The following CCBE1 variants were observed in gnomAD, a reference collection of about 807,000 sequenced individuals.
The protein encoded by CCBE1 is collagen and calcium-binding EGF domain-containing protein 1.
Under a neutral mutation model 50.0 loss-of-function variants are expected in CCBE1, and 37 were observed. The observed-to-expected ratio is 0.74, with a 90% CI of 0.57 to 0.97. The LOEUF (loss-of-function observed/expected upper bound fraction) is 0.97, where lower values mean the gene tolerates loss of function less well. Ranked by LOEUF, CCBE1 falls within the 50% of genes least tolerant of loss-of-function variation. The probability of loss-of-function intolerance (pLI) is 0.00; values close to 1 mark genes in which losing one functional copy is unlikely to be tolerated. For synonymous variants in CCBE1, 234 were observed against 203.7 expected, an observed-to-expected ratio of 1.15 and a Z score of -1.27; for missense variants, 538 against 523.8, an observed-to-expected ratio of 1.03 and a Z score of -0.26.
intron 5 of CCBE1, among the ~76,000 whole-genome samples, chr18:59,459,367 T>G (rs1173460780): frequency 6.6e-6 from 1 of 152,240 alleles, no homozygotes; most frequent in East Asian, 1.9e-4. Context: ...AACATGGAGC[T>G]ACAAATAATC....
At chr18:59,623,953 T>C (rs1211521082) in intron 2 of CCBE1, among the ~76,000 whole-genome samples, 1 of 152,224 alleles carries the variant, frequency 6.6e-6, no homozygotes, top group East Asian at 1.9e-4. Flanking sequence ...ATTAATCATG[T>C]TCCCCGGTGC....
Position 59,559,818 on chromosome 18 carries a change from G to A in CCBE1, c.213-79580C>T, listed in dbSNP as rs138989688. Among the ~76,000 whole-genome samples the A allele has an allele frequency of 1.9e-4, 29 of 152,332 alleles. No homozygotes were observed. In the East Asian group the frequency reaches 2.5e-3, roughly 13 times the overall value. ...AGTTCTCTGCCTATGCACTGTGCAT[G>A]TCTCTCCCATGCCTGAAGATATTCT... On this transcript the variant is annotated intron_variant, in intron 2 of 10. Coordinates refer to ENST00000439986, the MANE Select transcript of CCBE1 (RefSeq NM_133459.4).
At chr18:59,574,550 T>C (rs901813721) in intron 2 of CCBE1, among the ~76,000 whole-genome samples, 2 of 152,262 alleles carry the variant, frequency 1.3e-5, no homozygotes, top group African/African-American at 4.8e-5. Context: ...TATTTCATCT[T>C]AACTCTACAC....
chr18:59,552,873 A>C (rs1309352900), intron 2 of CCBE1, among the ~76,000 whole-genome samples: 1 of 152,218 alleles, frequency 6.6e-6, no homozygotes, highest in African/African-American at 2.4e-5. Context: ...TTCCTCCTTG[A>C]ATTGATGCTA....
chr18:59,585,569 T>C (rs1893956), intron 2 of CCBE1, among the ~76,000 whole-genome samples: 52,065 of 151,844 alleles, frequency 0.34, 9,432 homozygotes, highest in East Asian at 0.61. Flanking sequence ...CCTCAAATTC[T>C]AGCTTCTCCA....
intron 2 of CCBE1, among the ~76,000 whole-genome samples, chr18:59,539,158 A>G (rs1394862182): frequency 2.0e-5 from 3 of 151,476 alleles, no homozygotes; most frequent in African/African-American, 7.3e-5. Context: ...CCTGGGCTAT[A>G]GGGCAGGACT....
At chr18:59,459,561 C>G (rs558027773) in intron 5 of CCBE1, among the ~76,000 whole-genome samples, 58 of 152,234 alleles carry the variant, frequency 3.8e-4, no homozygotes, top group African/African-American at 1.3e-3. Flanking sequence ...CACATGGGGG[C>G]ATGAAGCTCT....
chr18:59,469,370 A>C, intron 4 of CCBE1, 103 bp downstream of exon 4: 1 of 1,478,452 alleles, frequency 6.8e-7, no homozygotes, highest in Non-Finnish European at 9.4e-7. Flanking sequence ...ATCAAACACA[A>C]CTCCATCCAA....
intron 7 of CCBE1, among the ~76,000 whole-genome samples, chr18:59,445,639 A>G (rs1910635801): frequency 1.3e-5 from 2 of 152,216 alleles, no homozygotes; most frequent in Admixed American, 1.3e-4. Context: ...TCGATGTTCC[A>G]TCCAAACATG....
rs528666813 is a variant in CCBE1 at position 59,696,471 on chromosome 18, C to T, written c.212+158G>A. On this transcript the variant is annotated intron_variant, in intron 2 of 10. Transcript: ENST00000439986. ...GTTGCTCTGACTCCGATCCAACCAA[C>T]CCTCAAAGATTCGCACCGCGCGGCA... 5.8e-5 allele frequency: 87 copies of T among 1,501,590 alleles called. 2 individuals carry two copies. The highest frequency in any genetic ancestry group is 4.7e-5 in the Non-Finnish European group (53 of 1,126,266). The allele number at this position is 1,501,590 out of a possible 1,614,324, so 93.0% of individuals were successfully genotyped here.
chr18:59,666,260 T>A (rs572153220), intron 2 of CCBE1: 1 of 152,116 alleles, frequency 6.6e-6, no homozygotes, highest in Non-Finnish European at 1.5e-5. Flanking sequence ...CCCACCCCTA[T>A]GATTCAATTA....
At chr18:59,607,633 C>T (rs2053516138) in intron 2 of CCBE1, among the ~76,000 whole-genome samples, 1 of 152,192 alleles carries the variant, frequency 6.6e-6, no homozygotes, top group South Asian at 2.1e-4. Context: ...AGATGCTGTC[C>T]TAGGGCACCT....
At chr18:59,505,835 A>C (rs898499582) in intron 2 of CCBE1, among the ~76,000 whole-genome samples, 28 of 152,254 alleles carry the variant, frequency 1.8e-4, no homozygotes, top group Admixed American at 6.5e-5. Context: ...AACTTACTAA[A>C]GGGATGTTCA....
intron 2 of CCBE1, among the ~76,000 whole-genome samples, chr18:59,549,871 C>G (rs1253407221): frequency 6.6e-6 from 1 of 152,188 alleles, no homozygotes; most frequent in African/African-American, 2.4e-5. Flanking sequence ...ACTCATTTTG[C>G]AGAGTCTGCC....
chr18:59,553,548 A>G (rs1916004913), intron 2 of CCBE1, among the ~76,000 whole-genome samples: 1 of 152,222 alleles, frequency 6.6e-6, no homozygotes, highest in Admixed American at 6.5e-5. Flanking sequence ...GTGCCTTTTC[A>G]ATAGCATCAT....
chr18:59,459,246 G>C (rs966736240), intron 5 of CCBE1, among the ~76,000 whole-genome samples: 1 of 152,162 alleles, frequency 6.6e-6, no homozygotes, highest in African/African-American at 2.4e-5. Context: ...CAGCTCTCAA[G>C]GGTTTAAAGA....
intron 2 of CCBE1, among the ~76,000 whole-genome samples, chr18:59,490,387 C>CG (rs371004472): frequency 7.1e-6 from 1 of 141,794 alleles, no homozygotes; most frequent in South Asian, 2.2e-4. Flanking sequence ...GATATTCCCC[C>CG]TTTTTTTTTT....
rs530777750 is a variant in CCBE1 at position 59,599,467 on chromosome 18, C to A, written c.212+97162G>T. Among the ~76,000 whole-genome samples, 11 of 152,306 alleles carry A rather than the reference C, an allele frequency of 7.2e-5. No homozygotes were observed. The South Asian group carries it at 1.5e-3, about 20-fold the overall frequency. Reference sequence around the variant, plus strand: ...TATATGAAGACTAAAATGGAAACAGCAACTCTTCTGTTGCAGCTCATTTCC... The same window carrying A: ...TATATGAAGACTAAAATGGAAACAGAAACTCTTCTGTTGCAGCTCATTTCC... On this transcript the variant is annotated intron_variant, in intron 2 of 10. Transcript: ENST00000439986.
At chr18:59,582,508 G>C (rs2053100467) in intron 2 of CCBE1, among the ~76,000 whole-genome samples, 1 of 152,186 alleles carries the variant, frequency 6.6e-6, no homozygotes, top group African/African-American at 2.4e-5. Context: ...TTTATTTGGA[G>C]ACTTTTGCCA....
Sources: gnomAD v4.1 joint callset for allele counts (sites outside exome capture counted in the v4.1 genomes callset) on GRCh38, gnomAD v4.1.1 for gene constraint, MANE v1.5 for transcripts, NCBI Gene and HGNC (gene_info 2026-07-23, HGNC 2026-07-21) for gene names.